Variants in FBXW11 observed in about 807,000 individuals in gnomAD.
The protein encoded by FBXW11 is F-box/WD repeat-containing protein 11.
FBXW11 carries 19 observed loss-of-function variants against 77.6 expected under a neutral mutation model. The ratio of observed to expected loss-of-function variants is 0.24; its 90% CI spans 0.17 to 0.36. The LOEUF (loss-of-function observed/expected upper bound fraction) is 0.36, where lower values mean the gene tolerates loss of function less well. Ranked by LOEUF, FBXW11 falls within the 10% of genes least tolerant of loss-of-function variation. The probability of loss-of-function intolerance (pLI) is 1.00; values close to 1 mark genes in which losing one functional copy is unlikely to be tolerated. For missense variants in FBXW11, 334 were observed against 704.2 expected (o/e 0.47, Z 5.95); for synonymous variants, 235 against 249.4 (o/e 0.94, Z 0.54).
rs775935488 is a variant in FBXW11, at chr5:171,907,391, T to C, written c.436+3181A>G. On this transcript the variant is annotated intron_variant, in intron 4 of 13. Transcript: ENST00000517395. The stretch of plus-strand genomic sequence containing the variant: ...GTACAGTAAAAATGAAACACCAAAC[T>C]AGTATAATGATTCATAAGTTGCTCC... 2.5e-4 allele frequency among the ~76,000 whole-genome samples: 38 copies of C among 152,230 alleles called. 1 individual carries two copies. Among genetic ancestry groups the C allele is most frequent in the Non-Finnish European group, 4.0e-4 (27 of 68,014 alleles).
intron 2 of FBXW11, among the ~76,000 whole-genome samples, chr5:171,917,526 T>C (rs1761331265): frequency 6.6e-6 from 1 of 152,216 alleles, no homozygotes; most frequent in African/African-American, 2.4e-5. Flanking sequence ...TTTAATAAAA[T>C]TGTTTTTAAT....
At chr5:171,935,848 C>T (rs1762447580) in intron 2 of FBXW11, among the ~76,000 whole-genome samples, 1 of 152,044 alleles carries the variant, frequency 6.6e-6, no homozygotes, top group African/African-American at 2.4e-5. Context: ...TTGTGGCTCG[C>T]ACCTGTAATC....
At chr5:171,960,344 C>T (rs1340571320) in intron 1 of FBXW11, among the ~76,000 whole-genome samples, 1 of 152,176 alleles carries the variant, frequency 6.6e-6, no homozygotes, top group Non-Finnish European at 1.5e-5. Context: ...CACTATACTC[C>T]AGCCTGGGCA....
intron 4 of FBXW11, among the ~76,000 whole-genome samples, chr5:171,906,012 A>T (rs1180485206): frequency 6.6e-6 from 1 of 152,196 alleles, no homozygotes; most frequent in African/African-American, 2.4e-5. Flanking sequence ...AGTCTGGAAA[A>T]ACTTCAATAA....
At chr5:171,936,527 G>C (rs555918899) in intron 2 of FBXW11, among the ~76,000 whole-genome samples, 19 of 146,880 alleles carry the variant, frequency 1.3e-4, no homozygotes, top group Non-Finnish European at 1.0e-4. Flanking sequence ...AGGAAATAGA[G>C]GCATTACAAA....
At chr5:171,960,014 C>T (rs764558175) in intron 1 of FBXW11, among the ~76,000 whole-genome samples, 24 of 151,978 alleles carry the variant, frequency 1.6e-4, no homozygotes, top group Admixed American at 8.5e-4. Flanking sequence ...GATATTCTTA[C>T]ACATGTTTAA....
intron 7 of FBXW11, among the ~76,000 whole-genome samples, chr5:171,880,276 C>G (rs1239583947): frequency 6.6e-6 from 1 of 152,222 alleles, no homozygotes; most frequent in Admixed American, 6.5e-5. Context: ...TATTTCTGGG[C>G]TCTCTATTCT....
chr5:171,902,813 T>C (rs1404086711), intron 4 of FBXW11, among the ~76,000 whole-genome samples: 1 of 152,238 alleles, frequency 6.6e-6, no homozygotes, highest in East Asian at 1.9e-4. Context: ...TACTTGTCTA[T>C]AGGAGCTATG....
At chr5:171,932,122 G>A (rs1198716730) in intron 2 of FBXW11, among the ~76,000 whole-genome samples, 1 of 151,986 alleles carries the variant, frequency 6.6e-6, no homozygotes, top group Non-Finnish European at 1.5e-5. Flanking sequence ...TAATCCATCT[G>A]CCTCAGCCTC....
At chr5:172,004,893 G>T (rs79926631) in intron 1 of FBXW11, among the ~76,000 whole-genome samples, 1 of 88,862 alleles carries the variant, frequency 1.1e-5, no homozygotes, top group Non-Finnish European at 2.5e-5. Flanking sequence ...ACACACACAC[G>T]CATGCAAAAA....
chr5:171,865,668 T>A (rs1478297959), intron 13 of FBXW11, among the ~76,000 whole-genome samples: 2 of 152,250 alleles, frequency 1.3e-5, no homozygotes, highest in Admixed American at 1.3e-4. Context: ...TTCTTTTGGC[T>A]TATCTACTTT....
intron 7 of FBXW11, among the ~76,000 whole-genome samples, chr5:171,887,535 G>A (rs1194687620): frequency 1.3e-5 from 2 of 152,028 alleles, no homozygotes; most frequent in Non-Finnish European, 2.9e-5. Context: ...ATAAAAACTA[G>A]TTAAGAACTC....
chr5:171,982,668 A>C (rs1045033264), intron 1 of FBXW11, among the ~76,000 whole-genome samples: 3 of 152,236 alleles, frequency 2.0e-5, no homozygotes, highest in African/African-American at 7.2e-5. Flanking sequence ...ACAGTTTAGC[A>C]GTGTGGTGTT....
chr5:171,932,021 T>A (rs548814215), intron 2 of FBXW11, among the ~76,000 whole-genome samples: 1 of 151,742 alleles, frequency 6.6e-6, no homozygotes, highest in South Asian at 2.1e-4. Context: ...ACCACAGGGG[T>A]ACACCACCAT....
chr5:171,974,455 AAT>A (rs1208968570), intron 1 of FBXW11, among the ~76,000 whole-genome samples: 1 of 151,784 alleles, frequency 6.6e-6, no homozygotes, highest in East Asian at 1.9e-4. Context: ...AAAAAAAAAA[AAT>A]ACACACACAC....
At chr5:171,938,511 T>C (rs1361121470) in intron 2 of FBXW11, among the ~76,000 whole-genome samples, 1 of 152,222 alleles carries the variant, frequency 6.6e-6, no homozygotes, top group African/African-American at 2.4e-5. Flanking sequence ...ATTCAGTCAA[T>C]GAAGCAGTGA....
intron 7 of FBXW11, among the ~76,000 whole-genome samples, chr5:171,886,901 G>C (rs999579565): frequency 6.6e-6 from 1 of 152,100 alleles, no homozygotes; most frequent in Non-Finnish European, 1.5e-5. Context: ...TGTAGTCCCA[G>C]CTACTCAGGA....
At chr5:171,908,539 A>C (rs1052732982) in intron 4 of FBXW11, among the ~76,000 whole-genome samples, 48 of 152,322 alleles carry the variant, frequency 3.2e-4, no homozygotes, top group African/African-American at 1.1e-3. Context: ...TCAGCAATTA[A>C]ATAGTATGAT....
intron 3 of FBXW11, among the ~76,000 whole-genome samples, chr5:171,913,492 C>G (rs1761014365): frequency 6.6e-6 from 1 of 152,136 alleles, no homozygotes; most frequent in Non-Finnish European, 1.5e-5. Flanking sequence ...AAAATAACAG[C>G]ATGTGCACTA....
Sources: allele counts gnomAD v4.1 joint callset (sites outside exome capture counted in the v4.1 genomes callset), GRCh38; gene constraint gnomAD v4.1.1; transcripts MANE v1.5; gene names NCBI Gene and HGNC (gene_info 2026-07-23, HGNC 2026-07-21).